YIPF4: variants seen among roughly 807,000 people sequenced by gnomAD.
YIPF4 encodes Yip1 domain family member 4, also known as protein YIPF4.
YIPF4 carries 18 observed loss-of-function variants against 29.4 expected under a neutral mutation model. The observed-to-expected ratio is 0.61, with a 90% CI of 0.42 to 0.91. YIPF4 has a LOEUF of 0.91. YIPF4 is among the 40% of genes least tolerant of loss of function. The probability of loss-of-function intolerance (pLI) is 0.00; values close to 1 mark genes in which losing one functional copy is unlikely to be tolerated. For missense variants in YIPF4, 279 were observed against 282.7 expected, an observed-to-expected ratio of 0.99 and a Z score of 0.09; for synonymous variants, 115 against 104.7, an observed-to-expected ratio of 1.10 and a Z score of -0.60.
chr2:32,277,939 T>G lies in YIPF4; in HGVS notation c.-217T>G, dbSNP rs1169490981. 3.8e-6 allele frequency: 2 copies of G among 524,880 alleles called. No homozygotes were observed. Among genetic ancestry groups the G allele is most frequent in the Non-Finnish European group, 6.7e-6 (2 of 298,854 alleles). 32.5% of individuals were successfully genotyped at this position (524,880 alleles called of 1,614,324 possible). A position where few individuals can be genotyped will look rare whatever the true frequency, so the allele number is the denominator to read the frequency against. ...TGGTCCTGTCAGGGTGCCGGCGTCG[T>G]GGTGCTTGGGTGGTCGCCACCAAGA... On this transcript the variant is annotated 5_prime_UTR_variant, in exon 1 of 6. Coordinates refer to ENST00000238831, the MANE Select transcript of YIPF4 (RefSeq NM_032312.4).
chr2:32,296,260 T>C (rs1164983116), intron 3 of YIPF4, among the ~76,000 whole-genome samples: 2 of 151,900 alleles, frequency 1.3e-5, no homozygotes, highest in African/African-American at 4.8e-5. Context: ...CATGATGAGG[T>C]CAGGAGTTCA....
intron 3 of YIPF4, among the ~76,000 whole-genome samples, chr2:32,294,706 C>T (rs1377782256): frequency 5.3e-5 from 8 of 152,174 alleles, no homozygotes; most frequent in Non-Finnish European, 1.2e-4. Flanking sequence ...TTTGGGAGGC[C>T]AAGGCAGGCG....
chr2:32,299,766 C>G (rs981447818), intron 4 of YIPF4, among the ~76,000 whole-genome samples: 3 of 152,040 alleles, frequency 2.0e-5, no homozygotes, highest in African/African-American at 7.2e-5. Context: ...GAGCTGTGTT[C>G]GTGCCACTGC....
At position 32,312,496 on chromosome 2, in the gene YIPF4, A is replaced by AGACCGCCCCCCCC; in HGVS notation, c.*6870_*6871insGACCGCCCCCCCC. On this transcript the variant is annotated 3_prime_UTR_variant, in exon 6 of 6. Coordinates refer to ENST00000238831, the MANE Select transcript of YIPF4 (RefSeq NM_032312.4). ...GAGCGAGAATCCGTCTCAAAAAAAA[A>AGACCGCCCCCCCC]AAAAAAAAAAAAAAAAAAAAAAATT... 1 of 145,294 alleles carries AGACCGCCCCCCCC rather than the reference A, an allele frequency of 6.9e-6. No homozygotes were observed. Among genetic ancestry groups the AGACCGCCCCCCCC allele is most frequent in the South Asian group, 2.1e-4 (1 of 4,750 alleles). 9.0% of individuals were successfully genotyped at this position (145,294 alleles called of 1,614,324 possible).
intron 3 of YIPF4, among the ~76,000 whole-genome samples, chr2:32,296,690 G>A (rs1473752275): frequency 6.6e-6 from 1 of 152,104 alleles, no homozygotes; most frequent in African/African-American, 2.4e-5. Context: ...TGATCACTTG[G>A]TTAGGTGATA....
At chr2:32,301,246 T>G (rs572341444) in intron 4 of YIPF4, 136 bp from the exon 5 acceptor site, 1 of 566,652 alleles carries the variant, frequency 1.8e-6, no homozygotes, top group Non-Finnish European at 3.1e-6. Flanking sequence ...TTTGAAATAA[T>G]GAGTATAATA....
chr2:32,299,640 T>G lies in YIPF4; in HGVS notation c.483+1329T>G, dbSNP rs184501201. On this transcript the variant is annotated intron_variant, in intron 4 of 5. Coordinates refer to ENST00000238831, the MANE Select transcript of YIPF4 (RefSeq NM_032312.4). ...AGTTCCAATACCAGCCTGGGCAACG[T>G]AGGGAGACCCTATCTCTTTAAAAAT... Among the ~76,000 whole-genome samples, 442 of 151,002 alleles carry G rather than the reference T, an allele frequency of 2.9e-3. 2 individuals are homozygous for G. The highest frequency in any genetic ancestry group is 3.9e-3 in the Non-Finnish European group (267 of 67,750).
At position 32,306,649 on chromosome 2, in the gene YIPF4, G is replaced by C. The variant is rs1397931935; in HGVS notation, c.*1023G>C. 2 of 966,112 alleles carry C rather than the reference G, an allele frequency of 2.1e-6. No homozygotes were observed. The highest frequency in any genetic ancestry group is 1.8e-5 in the African/African-American group (1 of 56,758). 59.8% of individuals were successfully genotyped at this position (966,112 alleles called of 1,614,324 possible). A position where few individuals can be genotyped will look rare whatever the true frequency, so the allele number is the denominator to read the frequency against. On this transcript the variant is annotated 3_prime_UTR_variant, in exon 6 of 6. Coordinates refer to ENST00000238831, the MANE Select transcript of YIPF4 (RefSeq NM_032312.4). ...TCAGGTACTCTCTAACAAATGTACA[G>C]TTTTTGCTAAGGGAAATATTAAGAA...
At chr2:32,294,767 C>G (rs2148963698) in intron 3 of YIPF4, among the ~76,000 whole-genome samples, 1 of 152,354 alleles carries the variant, frequency 6.6e-6, no homozygotes, top group Non-Finnish European at 1.5e-5. Context: ...TGCACTCCAG[C>G]CTGGGCACCA....
At chr2:32,300,037 C>T (rs1409645037) in intron 4 of YIPF4, among the ~76,000 whole-genome samples, 1 of 152,024 alleles carries the variant, frequency 6.6e-6, no homozygotes, top group African/African-American at 2.4e-5. Context: ...GAGGCCGGGG[C>T]GGGTGGATCA....
At chr2:32,284,922 G>A (rs930309150) in intron 1 of YIPF4, among the ~76,000 whole-genome samples, 2 of 152,114 alleles carry the variant, frequency 1.3e-5, no homozygotes, top group African/African-American at 2.4e-5. Context: ...TATTGGACTT[G>A]AGCTAGAAAA....
In YIPF4 at chr2:32,301,414, A is replaced by C. The variant is rs1318922362; in HGVS notation, c.516A>C (p.Gly172=). Residue 172 remains glycine (G), a synonymous_variant, in exon 5 of 6, where the codon GGA becomes GGC. Coordinates refer to ENST00000238831, the MANE Select transcript of YIPF4 (RefSeq NM_032312.4). ...VAYGQVLGVI[G]YSLLPLIVIA... The stretch of plus-strand genomic sequence containing the variant: ...ATGGCCAAGTCCTTGGAGTTATAGG[A>C]TATTCATTACTTCCTCTCATTGTAA... The C allele has an allele frequency of 1.2e-6, 2 of 1,613,680 alleles. No individual in the cohort carries two copies. The highest frequency in any genetic ancestry group is 1.7e-6 in the Non-Finnish European group (2 of 1,179,760).
In YIPF4 at chr2:32,306,296, G is replaced by C; in HGVS notation, c.*670G>C. The stretch of plus-strand genomic sequence containing the variant: ...TTTTAATAGTTGCTGATATATATTT[G>C]GTTTGTTTGGGTATACTTTTCAAAA... On this transcript the variant is annotated 3_prime_UTR_variant, in exon 6 of 6. Coordinates refer to ENST00000238831, the MANE Select transcript of YIPF4 (RefSeq NM_032312.4). 1 of 983,852 alleles carries C rather than the reference G, an allele frequency of 1.0e-6. No individual in the cohort carries two copies. Among genetic ancestry groups the C allele is most frequent in the Non-Finnish European group, 1.2e-6 (1 of 828,346 alleles). The allele number at this position is 983,852 out of a possible 1,614,324, so 60.9% of individuals were successfully genotyped here.
At chr2:32,304,818 C>T (rs930118213) in intron 5 of YIPF4, among the ~76,000 whole-genome samples, 1 of 152,084 alleles carries the variant, frequency 6.6e-6, no homozygotes, top group Non-Finnish European at 1.5e-5. Flanking sequence ...ATAAGTATTG[C>T]ATAAGTTTCC....
intron 2 of YIPF4, among the ~76,000 whole-genome samples, chr2:32,291,450 A>G (rs982735667): frequency 6.6e-6 from 1 of 152,232 alleles, no homozygotes; most frequent in African/African-American, 2.4e-5. Context: ...TGGCTGAGGC[A>G]TGAGAATCGC....
chr2:32,306,292 A>G lies in YIPF4; in HGVS notation c.*666A>G. 1 of 983,648 alleles carries G rather than the reference A, an allele frequency of 1.0e-6. No individual in the cohort carries two copies. The allele number at this position is 983,648 out of a possible 1,614,324, so 60.9% of individuals were successfully genotyped here. A position where few individuals can be genotyped will look rare whatever the true frequency, so the allele number is the denominator to read the frequency against. Reference sequence around the variant, plus strand: ...TGATTTTTAATAGTTGCTGATATATATTTGGTTTGTTTGGGTATACTTTTC... The same window carrying G: ...TGATTTTTAATAGTTGCTGATATATGTTTGGTTTGTTTGGGTATACTTTTC... On this transcript the variant is annotated 3_prime_UTR_variant, in exon 6 of 6. Transcript: ENST00000238831.
In YIPF4 at chr2:32,316,579, A is replaced by G. The variant is rs1451536484; in HGVS notation, c.*10953A>G. On this transcript the variant is annotated 3_prime_UTR_variant, in exon 6 of 6. Transcript: ENST00000238831. ...GTAAGTACAACACTAAAATTAATAAATTGTGTAAATTCTAATATGGATTAA... is the reference window on the plus strand; with the variant it reads ...GTAAGTACAACACTAAAATTAATAAGTTGTGTAAATTCTAATATGGATTAA... The G allele has an allele frequency of 1.3e-5, 2 of 152,196 alleles. No individual in the cohort carries two copies. Among genetic ancestry groups the G allele is most frequent in the African/African-American group, 4.8e-5 (2 of 41,444 alleles). 9.4% of individuals were successfully genotyped at this position (152,196 alleles called of 1,614,324 possible).
Position 32,306,115 on chromosome 2 carries a change from A to C in YIPF4, c.*489A>C, listed in dbSNP as rs1413848366. ...CAAAATATATTTCTGATAAACATTA[A>C]GATATTAAATCTGATGCACAAACTT... On this transcript the variant is annotated 3_prime_UTR_variant, in exon 6 of 6. Coordinates refer to ENST00000238831, the MANE Select transcript of YIPF4 (RefSeq NM_032312.4). The C allele has an allele frequency of 1.3e-6, 1 of 775,244 alleles. No homozygotes were observed. Among genetic ancestry groups the C allele is most frequent in the Non-Finnish European group, 1.6e-6 (1 of 642,600 alleles). 48.0% of individuals were successfully genotyped at this position (775,244 alleles called of 1,614,324 possible).
intron 1 of YIPF4, among the ~76,000 whole-genome samples, chr2:32,283,905 A>G (rs1443999739): frequency 6.6e-6 from 1 of 152,014 alleles, no homozygotes; most frequent in Non-Finnish European, 1.5e-5. Flanking sequence ...TTTTTAATAG[A>G]GACGGGGTTT....
Sources: gnomAD v4.1 joint callset for allele counts (sites outside exome capture counted in the v4.1 genomes callset) on GRCh38, gnomAD v4.1.1 for gene constraint, MANE v1.5 for transcripts, NCBI Gene and HGNC (gene_info 2026-07-23, HGNC 2026-07-21) for gene names.